The following PLN variants were observed in gnomAD, a reference collection of about 807,000 sequenced individuals.
The protein encoded by PLN is phospholamban.
PLN carries 1 observed loss-of-function variant against 3.9 expected under a neutral mutation model. The observed-to-expected ratio is 0.26, with a 90% CI of 0.09 to 1.23. The LOEUF is 1.23. Among genes scored for constraint, PLN ranks in the 50% most tolerant of loss-of-function variants. PLN has a pLI of 0.48. For synonymous variants in PLN, 21 were observed against 20.5 expected, an observed-to-expected ratio of 1.02 and a Z score of -0.07; for missense variants, 59 against 62.7, an observed-to-expected ratio of 0.94 and a Z score of 0.20.
At chr6:118,557,214 TTTTA>T (rs762776215) in intron 1 of PLN, among the ~76,000 whole-genome samples, 2 of 152,352 alleles carry the variant, frequency 1.3e-5, no homozygotes, top group South Asian at 4.1e-4. Context: ...TTTAACACTA[TTTTA>T]TTTTAGATTA....
At chr6:118,558,157 G>A (rs1778988034) in intron 1 of PLN, among the ~76,000 whole-genome samples, 1 of 152,038 alleles carries the variant, frequency 6.6e-6, no homozygotes, top group African/African-American at 2.4e-5. Context: ...CACCATGTTG[G>A]CCAGGCTGGT....
chr6:118,552,409 A>G (rs1177365406), intron 1 of PLN, among the ~76,000 whole-genome samples: 1 of 152,060 alleles, frequency 6.6e-6, no homozygotes, highest in African/African-American at 2.4e-5. Flanking sequence ...GTCATAAAGC[A>G]GGCCACCAAA....
intron 1 of PLN, among the ~76,000 whole-genome samples, chr6:118,556,551 T>C (rs1490295938): frequency 6.6e-6 from 1 of 152,194 alleles, no homozygotes; most frequent in Non-Finnish European, 1.5e-5. Flanking sequence ...CCTTCCCCTT[T>C]GCCATTCTTT....
intron 1 of PLN, among the ~76,000 whole-genome samples, chr6:118,551,374 T>C (rs1778534165): frequency 7.9e-6 from 1 of 125,798 alleles, no homozygotes; most frequent in Non-Finnish European, 1.8e-5. Flanking sequence ...ATAGGGGGTA[T>C]ATTTATTAAG....
intron 1 of PLN, among the ~76,000 whole-genome samples, chr6:118,552,856 C>T (rs1778632122): frequency 6.6e-6 from 1 of 152,032 alleles, no homozygotes; most frequent in East Asian, 1.9e-4. Flanking sequence ...ACTCAAGAGA[C>T]AGGAGTCTGG....
chr6:118,556,868 T>C (rs894797918), intron 1 of PLN, among the ~76,000 whole-genome samples: 5 of 152,346 alleles, frequency 3.3e-5, no homozygotes, highest in Non-Finnish European at 7.4e-5. Context: ...GGACAGTTAA[T>C]ACAGTTAATT....
In PLN at chr6:118,561,518, CAATT is replaced by C. The variant is rs1043286388; in HGVS notation, c.*2439_*2442del. On this transcript the variant is annotated 3_prime_UTR_variant, in exon 2 of 2. Coordinates refer to ENST00000357525, the MANE Select transcript of PLN (RefSeq NM_002667.5). ...GTGTAAAGAATAAGATATAAGAAAA[CAATT>C]TATTTTTAAAATTTAATATACTAAA... Among the ~76,000 whole-genome samples, 35 of 151,804 alleles carry C rather than the reference CAATT, an allele frequency of 2.3e-4. No homozygotes were observed. Among genetic ancestry groups the C allele is most frequent in the Admixed American group, 1.3e-3 (20 of 15,266 alleles).
intron 1 of PLN, among the ~76,000 whole-genome samples, chr6:118,557,487 T>G (rs1293600026): frequency 6.6e-6 from 1 of 152,178 alleles, no homozygotes. Flanking sequence ...TTGCATATTC[T>G]CCCCACATCT....
intron 1 of PLN, among the ~76,000 whole-genome samples, chr6:118,555,312 C>T (rs1384533019): frequency 2.0e-5 from 3 of 151,702 alleles, no homozygotes; most frequent in Non-Finnish European, 4.4e-5. Context: ...CCTGTAGTCC[C>T]AGCTACTCGG....
Position 118,559,098 on chromosome 6 carries a change from T to C in PLN, c.*18T>C. ...TTCTCTGAAGTTCTGCTACAACCTC[T>C]AGATCTGCAGCTTGCCACATCAGCT... On this transcript the variant is annotated 3_prime_UTR_variant, in exon 2 of 2. Coordinates refer to ENST00000357525, the MANE Select transcript of PLN (RefSeq NM_002667.5). 2 of 1,595,062 alleles carry C rather than the reference T, an allele frequency of 1.3e-6. No individual in the cohort carries two copies. Among genetic ancestry groups the C allele is most frequent in the Non-Finnish European group, 1.7e-6 (2 of 1,162,688 alleles).
intron 1 of PLN, among the ~76,000 whole-genome samples, chr6:118,553,604 A>G (rs1194130109): frequency 1.3e-5 from 2 of 152,232 alleles, no homozygotes; most frequent in Non-Finnish European, 2.9e-5. Context: ...ATTATGGCAT[A>G]TTTCTAAATC....
chr6:118,553,215 T>TAAAAAAAA (rs59502810), intron 1 of PLN, among the ~76,000 whole-genome samples: 4 of 138,940 alleles, frequency 2.9e-5, no homozygotes, highest in Non-Finnish European at 3.1e-5. Flanking sequence ...GTTAAGAAAT[T>TAAAAAAAA]AAAAAAAAAA....
At position 118,559,693 on chromosome 6, in the gene PLN, C is replaced by G. The variant is rs1222930529; in HGVS notation, c.*613C>G. On this transcript the variant is annotated 3_prime_UTR_variant, in exon 2 of 2. Transcript: ENST00000357525. ...AACATCTTTTAAAGTTGATGAGAAT[C>G]AAGTATGGAAAAGTAAGGCCATACT... The G allele has an allele frequency of 5.9e-6, 1 of 168,756 alleles. No homozygotes were observed. Among genetic ancestry groups the G allele is most frequent in the African/African-American group, 2.4e-5 (1 of 41,442 alleles). The allele number at this position is 168,756 out of a possible 1,614,324, so 10.5% of individuals were successfully genotyped here. A position where few individuals can be genotyped will look rare whatever the true frequency, so the allele number is the denominator to read the frequency against.
intron 1 of PLN, among the ~76,000 whole-genome samples, chr6:118,551,268 TGA>T (rs1778526433): frequency 6.6e-6 from 1 of 151,818 alleles, no homozygotes; most frequent in Non-Finnish European, 1.5e-5. Flanking sequence ...CATAGTCAAC[TGA>T]GGACCTCTAG....
intron 1 of PLN, among the ~76,000 whole-genome samples, chr6:118,550,520 C>T (rs879043533): frequency 1.4e-4 from 22 of 151,772 alleles, no homozygotes; most frequent in Admixed American, 2.0e-4. Flanking sequence ...CTCGTGTACA[C>T]AAATATTTCA....
chr6:118,554,892 G>A (rs1286798931), intron 1 of PLN, among the ~76,000 whole-genome samples: 1 of 152,176 alleles, frequency 6.6e-6, no homozygotes, highest in Non-Finnish European at 1.5e-5. Context: ...AAGGTGACAT[G>A]TTTCATGTGA....
At chr6:118,556,509 G>C (rs901664130) in intron 1 of PLN, among the ~76,000 whole-genome samples, 1 of 152,132 alleles carries the variant, frequency 6.6e-6, no homozygotes, top group African/African-American at 2.4e-5. Flanking sequence ...CAAAGTAAAT[G>C]CCGGGTTCTA....
At chr6:118,549,260 C>G (rs975304805) in intron 1 of PLN, among the ~76,000 whole-genome samples, 4 of 151,788 alleles carry the variant, frequency 2.6e-5, no homozygotes, top group Admixed American at 2.6e-4. Context: ...CAGTGGTACT[C>G]CATTTCCTCT....
intron 1 of PLN, among the ~76,000 whole-genome samples, chr6:118,551,090 T>A (rs1216456193): frequency 1.3e-5 from 2 of 151,908 alleles, no homozygotes; most frequent in Non-Finnish European, 2.9e-5. Flanking sequence ...AAATCCAAGT[T>A]AACATCTCCT....
Sources: gnomAD v4.1 joint callset for allele counts (sites outside exome capture counted in the v4.1 genomes callset) on GRCh38, gnomAD v4.1.1 for gene constraint, MANE v1.5 for transcripts, NCBI Gene and HGNC (gene_info 2026-07-23, HGNC 2026-07-21) for gene names.